Variants in DPF3 observed in about 807,000 individuals in gnomAD.
DPF3 encodes the protein double PHD fingers 3, also known as zinc finger protein DPF3.
A neutral mutation model predicts 56.8 loss-of-function variants in DPF3; 18 were observed. That is an observed-to-expected ratio of 0.32 (90% CI 0.22 to 0.47). The LOEUF (loss-of-function observed/expected upper bound fraction) is 0.47, where lower values mean the gene tolerates loss of function less well. Among genes scored for constraint, DPF3 ranks in the 20% least tolerant of loss-of-function variants. DPF3 has a pLI of 1.00. For missense variants in DPF3, 403 were observed against 488.8 expected (o/e 0.82, Z 1.65); for synonymous variants, 188 against 180.2 (o/e 1.04, Z -0.35).
chr14:72,670,126 G>C, intron 8 of DPF3: 1 of 985,844 alleles, frequency 1.0e-6, no homozygotes, highest in Non-Finnish European at 1.2e-6. Flanking sequence ...GAAGAAATAC[G>C]GTAGCCTTGA....
rs1412649211 is a variant in DPF3, at chr14:72,827,780, C to A, written c.33-55887G>T. Among the ~76,000 whole-genome samples the A allele has an allele frequency of 2.0e-5, 3 of 151,868 alleles. No homozygotes were observed. The East Asian group carries it at 5.8e-4, about 29-fold the overall frequency. ...CAGGTGTGAGCCACTGCGCCTGGCCCCCCTTTACTCTTAAATACAGTGTGT... is the reference window on the plus strand; with the variant it reads ...CAGGTGTGAGCCACTGCGCCTGGCCACCCTTTACTCTTAAATACAGTGTGT... On this transcript the variant is annotated intron_variant, in intron 1 of 10. Transcript: ENST00000556509.
chr14:72,755,822 C>T (rs1890765224), intron 2 of DPF3, among the ~76,000 whole-genome samples: 2 of 152,168 alleles, frequency 1.3e-5, no homozygotes, highest in South Asian at 4.1e-4. Flanking sequence ...TCTTGGAGCT[C>T]CCTGGCCCCT....
At chr14:72,620,872 G>A (rs1884390227) in intron 9 of DPF3, among the ~76,000 whole-genome samples, 1 of 152,234 alleles carries the variant, frequency 6.6e-6, no homozygotes, top group Non-Finnish European at 1.5e-5. Flanking sequence ...TGGGCGCTGT[G>A]GCGCATGCCT....
intron 1 of DPF3, among the ~76,000 whole-genome samples, chr14:72,827,486 CTCT>C (rs1883860333): frequency 1.6e-5 from 2 of 123,352 alleles, no homozygotes; most frequent in South Asian, 2.8e-4. Context: ...ATTCCCTTTA[CTCT>C]TTTTTTTTTT....
At chr14:72,632,480 A>T (rs574659315) in intron 8 of DPF3, among the ~76,000 whole-genome samples, 2 of 152,106 alleles carry the variant, frequency 1.3e-5, no homozygotes, top group African/African-American at 4.8e-5. Context: ...AGCTATAATT[A>T]TGTCAAAATA....
intron 5 of DPF3, 125 bp downstream of exon 5, chr14:72,723,507 TC>T: frequency 1.2e-6 from 1 of 839,826 alleles, no homozygotes; most frequent in Non-Finnish European, 1.8e-6. Flanking sequence ...TGGAGTTTTC[TC>T]CTTTGAGCGT....
chr14:72,746,734 G>A (rs1381762673), intron 3 of DPF3, among the ~76,000 whole-genome samples: 3 of 152,220 alleles, frequency 2.0e-5, no homozygotes, highest in Admixed American at 6.5e-5. Flanking sequence ...GCCCATCCCT[G>A]GGGTGGACTT....
intron 6 of DPF3, among the ~76,000 whole-genome samples, chr14:72,709,681 C>T (rs755822025): frequency 1.3e-5 from 2 of 152,006 alleles, no homozygotes; most frequent in African/African-American, 4.8e-5. Flanking sequence ...GAGTTGAGGA[C>T]GCTGGGATCA....
intron 1 of DPF3, among the ~76,000 whole-genome samples, chr14:72,883,262 A>G (rs1445381879): frequency 6.6e-6 from 1 of 152,154 alleles, no homozygotes; most frequent in Non-Finnish European, 1.5e-5. Context: ...GAAGTTCAAG[A>G]CCAGCCTGGG....
chr14:72,803,881 G>A (rs1304796446), intron 1 of DPF3, among the ~76,000 whole-genome samples: 1 of 151,400 alleles, frequency 6.6e-6, no homozygotes. Flanking sequence ...GGCTAGGCCT[G>A]GATGGCCTGT....
chr14:72,652,108 G>A (rs1885926522), intron 8 of DPF3, among the ~76,000 whole-genome samples: 1 of 152,198 alleles, frequency 6.6e-6, no homozygotes. Context: ...TGTCACATAA[G>A]GGAAAATGAG....
At chr14:72,892,599 G>A in intron 1 of DPF3, 1 of 1,237,546 alleles carries the variant, frequency 8.1e-7, no homozygotes. Context: ...CCGTCCCCGG[G>A]AGCGAACCTG....
chr14:72,737,547 C>T (rs1202041161), intron 3 of DPF3, among the ~76,000 whole-genome samples: 1 of 152,086 alleles, frequency 6.6e-6, no homozygotes, highest in East Asian at 1.9e-4. Flanking sequence ...TTATTTGGCT[C>T]AGGATGAAGG....
intron 6 of DPF3, among the ~76,000 whole-genome samples, chr14:72,709,795 C>T (rs978273953): frequency 2.0e-4 from 31 of 152,024 alleles, no homozygotes; most frequent in African/African-American, 7.0e-4. Flanking sequence ...TCAACTGTCC[C>T]TGCCTCTCCA....
At chr14:72,638,310 G>C (rs961543150) in intron 8 of DPF3, among the ~76,000 whole-genome samples, 6 of 152,190 alleles carry the variant, frequency 3.9e-5, no homozygotes, top group Admixed American at 2.6e-4. Flanking sequence ...ATCAATTTTA[G>C]ATGCCAAGCC....
chr14:72,877,170 G>T (rs2140119439), intron 1 of DPF3, among the ~76,000 whole-genome samples: 1 of 152,324 alleles, frequency 6.6e-6, no homozygotes, highest in East Asian at 1.9e-4. Flanking sequence ...TCTTAGTCAA[G>T]AAATGAAATA....
At chr14:72,792,468 T>C (rs1475484234) in intron 1 of DPF3, among the ~76,000 whole-genome samples, 15 of 151,920 alleles carry the variant, frequency 9.9e-5, no homozygotes, top group Non-Finnish European at 1.8e-4. Flanking sequence ...ACATTTCTAG[T>C]GTTGGGAGCG....
At chr14:72,679,538 C>G (rs561143679) in intron 7 of DPF3, among the ~76,000 whole-genome samples, 1 of 152,132 alleles carries the variant, frequency 6.6e-6, no homozygotes, top group Non-Finnish European at 1.5e-5. Context: ...TTGGGGAATT[C>G]GGGGGCAGTG....
intron 9 of DPF3, among the ~76,000 whole-genome samples, chr14:72,629,000 T>C (rs1248065650): frequency 6.6e-6 from 1 of 152,228 alleles, no homozygotes; most frequent in African/African-American, 2.4e-5. Flanking sequence ...ATGGGCCTTA[T>C]TTGAATCCCA....
Sources: gnomAD v4.1 joint callset for allele counts (sites outside exome capture counted in the v4.1 genomes callset) on GRCh38, gnomAD v4.1.1 for gene constraint, MANE v1.5 for transcripts, NCBI Gene and HGNC (gene_info 2026-07-23, HGNC 2026-07-21) for gene names.